Variants in CDH13 observed in about 807,000 individuals in gnomAD.
CDH13 encodes the protein cadherin-13.
In CDH13, 24 loss-of-function variants were observed where a neutral mutation model predicts 63.8. The ratio of observed to expected loss-of-function variants is 0.38; its 90% CI spans 0.27 to 0.53. CDH13 has a LOEUF of 0.53. Among genes scored for constraint, CDH13 ranks in the 20% least tolerant of loss-of-function variants. The pLI is 0.85. For missense variants in CDH13, 1,049 were observed against 903.1 expected (o/e 1.16, Z -2.07); for synonymous variants, 503 against 355.3 (o/e 1.42, Z -4.67).
At chr16:83,499,701 C>G (rs997384544) in intron 7 of CDH13, among the ~76,000 whole-genome samples, 1 of 152,190 alleles carries the variant, frequency 6.6e-6, no homozygotes, top group Non-Finnish European at 1.5e-5. Flanking sequence ...ACAGCACATG[C>G]TTAGGAGGGT....
At chr16:82,765,601 C>T (rs766894622) in intron 1 of CDH13, among the ~76,000 whole-genome samples, 10 of 152,098 alleles carry the variant, frequency 6.6e-5, no homozygotes, top group Admixed American at 1.3e-4. Context: ...AATCATGTGG[C>T]ATAAAAGAGA....
intron 1 of CDH13, among the ~76,000 whole-genome samples, chr16:82,705,881 C>G (rs982334911): frequency 6.6e-6 from 1 of 152,180 alleles, no homozygotes; most frequent in African/African-American, 2.4e-5. Flanking sequence ...GATGCTTTTA[C>G]AACAGGTTTA....
Position 83,357,839 on chromosome 16 carries a change from A to G in CDH13, c.781+12833A>G, listed in dbSNP as rs56183396. On this transcript the variant is annotated intron_variant, in intron 6 of 13. Transcript: ENST00000567109. ...TAGGCATTGGTTGGTACCTTTTTAT[A>G]GTGAGCCACAGGAACCCATTCCTCT... Among the ~76,000 whole-genome samples the G allele has an allele frequency of 8.9e-3, 1,362 of 152,288 alleles. 19 individuals are homozygous for G. The highest frequency in any genetic ancestry group is 0.032 in the African/African-American group (1,313 of 41,570).
At chr16:83,504,093 C>T (rs56822527) in intron 7 of CDH13, among the ~76,000 whole-genome samples, 1,530 of 152,182 alleles carry the variant, frequency 0.01, 15 homozygotes, top group African/African-American at 0.033. Flanking sequence ...GCACAGTCTG[C>T]ATATGTATCC....
At chr16:83,727,932 G>A (rs896304604) in intron 10 of CDH13, among the ~76,000 whole-genome samples, 1 of 152,204 alleles carries the variant, frequency 6.6e-6, no homozygotes, top group African/African-American at 2.4e-5. Context: ...AAGGGTTTAA[G>A]TATCAAGTTT....
intron 5 of CDH13, among the ~76,000 whole-genome samples, chr16:83,314,971 G>T (rs1445343486): frequency 6.6e-6 from 1 of 152,160 alleles, no homozygotes; most frequent in African/African-American, 2.4e-5. Flanking sequence ...AGACTTGGGA[G>T]GTGGGCAGAA....
At chr16:83,415,810 TA>T (rs1382155455) in intron 6 of CDH13, among the ~76,000 whole-genome samples, 2 of 152,114 alleles carry the variant, frequency 1.3e-5, no homozygotes, top group Non-Finnish European at 2.9e-5. Context: ...TCAACAGTGA[TA>T]AAACTAAAAG....
chr16:83,749,722 T>G (rs1567570891), intron 11 of CDH13, among the ~76,000 whole-genome samples: 1 of 152,130 alleles, frequency 6.6e-6, no homozygotes, highest in African/African-American at 2.4e-5. Context: ...ACATGGTCCT[T>G]GTGTTCAGAG....
chr16:83,566,034 A>G (rs1392170790), intron 7 of CDH13, among the ~76,000 whole-genome samples: 1 of 152,204 alleles, frequency 6.6e-6, no homozygotes, highest in Non-Finnish European at 1.5e-5. Context: ...AGGTGTGAGA[A>G]GCTTTGCAAG....
At chr16:82,922,298 A>G (rs2042180118) in intron 2 of CDH13, among the ~76,000 whole-genome samples, 2 of 152,178 alleles carry the variant, frequency 1.3e-5, no homozygotes. Flanking sequence ...ATATGACTGG[A>G]CAACTTTTCA....
At chr16:82,827,964 C>T (rs1191218555) in intron 1 of CDH13, among the ~76,000 whole-genome samples, 1 of 152,032 alleles carries the variant, frequency 6.6e-6, no homozygotes, top group Non-Finnish European at 1.5e-5. Context: ...CCTGGTTTGC[C>T]CAATTCTGTC....
intron 1 of CDH13, among the ~76,000 whole-genome samples, chr16:82,799,226 A>G (rs763335408): frequency 2.6e-5 from 4 of 152,304 alleles, no homozygotes; most frequent in African/African-American, 4.8e-5. Flanking sequence ...AGTCTAATAC[A>G]TGTTATTTTT....
chr16:83,320,787 C>T (rs2090206475), intron 5 of CDH13, among the ~76,000 whole-genome samples: 1 of 152,182 alleles, frequency 6.6e-6, no homozygotes, highest in African/African-American at 2.4e-5. Context: ...ACATCACCGT[C>T]AGCCAACAAT....
At chr16:83,399,733 A>C (rs1424883349) in intron 6 of CDH13, among the ~76,000 whole-genome samples, 2 of 152,162 alleles carry the variant, frequency 1.3e-5, no homozygotes, top group African/African-American at 4.8e-5. Flanking sequence ...GAGGAAGCCC[A>C]AACTAAACCA....
chr16:83,220,291 G>T lies in CDH13; in HGVS notation c.636+2794G>T, dbSNP rs535045395. 1.1e-4 allele frequency among the ~76,000 whole-genome samples: 17 copies of T among 152,272 alleles called. No individual in the cohort carries two copies. In the South Asian group the frequency reaches 2.3e-3, roughly 20 times the overall value. On this transcript the variant is annotated intron_variant, in intron 5 of 13. Transcript: ENST00000567109. Reference sequence around the variant, plus strand: ...TTTATTTTTAGATGATGAGAACTGGGTTACTCTCATGTTGGTCTACTTTGG... The same window carrying T: ...TTTATTTTTAGATGATGAGAACTGGTTTACTCTCATGTTGGTCTACTTTGG...
intron 8 of CDH13, among the ~76,000 whole-genome samples, chr16:83,658,311 CGT>C (rs1913081312): frequency 1.2e-5 from 1 of 86,448 alleles, no homozygotes; most frequent in Admixed American, 1.1e-4. Context: ...CACCAGGTCC[CGT>C]ATCCTCACCA....
chr16:82,888,111 C>T (rs2040953407), intron 2 of CDH13, among the ~76,000 whole-genome samples: 1 of 152,048 alleles, frequency 6.6e-6, no homozygotes, highest in Non-Finnish European at 1.5e-5. Context: ...CATTATTTTT[C>T]TGAGATCCAA....
chr16:83,258,514 G>T (rs1233426434), intron 5 of CDH13, among the ~76,000 whole-genome samples: 1 of 152,194 alleles, frequency 6.6e-6, no homozygotes, highest in Non-Finnish European at 1.5e-5. Flanking sequence ...AAGAGAGGAA[G>T]GCACTCTGTG....
At chr16:83,202,679 G>A (rs1416496152) in intron 4 of CDH13, among the ~76,000 whole-genome samples, 1 of 152,182 alleles carries the variant, frequency 6.6e-6, no homozygotes, top group Admixed American at 6.5e-5. Flanking sequence ...AACTCTCAGG[G>A]AAAGGGCAGT....
Sources: allele counts gnomAD v4.1 joint callset (sites outside exome capture counted in the v4.1 genomes callset), GRCh38; gene constraint gnomAD v4.1.1; transcripts MANE v1.5; gene names NCBI Gene and HGNC (gene_info 2026-07-23, HGNC 2026-07-21).